ARHGEF4: variants seen among roughly 807,000 people sequenced by gnomAD.
The protein encoded by ARHGEF4 is Rho guanine nucleotide exchange factor 4, also known as APC-stimulated guanine nucleotide exchange factor 1.
A neutral mutation model predicts 162.0 loss-of-function variants in ARHGEF4; 119 were observed. The ratio of observed to expected loss-of-function variants is 0.73; its 90% CI spans 0.63 to 0.86. The LOEUF (loss-of-function observed/expected upper bound fraction) is 0.86. Ranked by LOEUF, ARHGEF4 falls within the 40% of genes least tolerant of loss-of-function variation. The pLI, the probability that ARHGEF4 is intolerant of heterozygous loss-of-function variation, is 0.00. For missense variants in ARHGEF4, 2,488 were observed against 2,456.0 expected (o/e 1.01, Z -0.28); for synonymous variants, 1,014 against 979.9 (o/e 1.03, Z -0.65).
chr2:131,043,526 C>T lies in ARHGEF4; in HGVS notation c.5100C>T (p.Ala1700=). The T allele has an allele frequency of 6.2e-7, 1 of 1,614,154 alleles. No homozygotes were observed. The highest frequency in any genetic ancestry group is 8.5e-7 in the Non-Finnish European group (1 of 1,180,024). The change falls in exon 11 of 14, where the codon GCC becomes GCT. Residue 1700 remains alanine, a synonymous_variant. Coordinates refer to ENST00000409359, the MANE Select transcript of ARHGEF4 (RefSeq NM_001367493.1). ...GELTRVTQPQ[A]KSQQRMFFLF... The stretch of plus-strand genomic sequence containing the variant: ...TGACTCGAGTTACACAGCCTCAAGC[C>T]AAAAGCCAGCAGCGAATGTTCTTTC...
At chr2:130,902,340 G>A (rs1574193375) in intron 1 of ARHGEF4, among the ~76,000 whole-genome samples, 1 of 151,138 alleles carries the variant, frequency 6.6e-6, no homozygotes, top group East Asian at 2.0e-4. Context: ...AAAGCCCAAA[G>A]CTGGGCACTT....
At chr2:130,908,080 A>G (rs1282399297) in intron 1 of ARHGEF4, among the ~76,000 whole-genome samples, 2 of 152,118 alleles carry the variant, frequency 1.3e-5, no homozygotes, top group Non-Finnish European at 2.9e-5. Context: ...CTTCCTATCC[A>G]TGAGCATGGA....
chr2:130,903,265 C>CT (rs202030783), intron 1 of ARHGEF4, among the ~76,000 whole-genome samples: 4,430 of 128,524 alleles, frequency 0.034, 235 homozygotes, highest in African/African-American at 0.12. Context: ...TTTCTTTTTT[C>CT]TTTTTTTTTT....
At chr2:131,042,216 G>A (rs1690871333) in intron 10 of ARHGEF4, among the ~76,000 whole-genome samples, 1 of 152,222 alleles carries the variant, frequency 6.6e-6, no homozygotes, top group South Asian at 2.1e-4. Flanking sequence ...GCCCTCAACA[G>A]AGGAAGTGTG....
intron 1 of ARHGEF4, among the ~76,000 whole-genome samples, chr2:130,911,453 C>T (rs1266290480): frequency 6.6e-6 from 1 of 152,168 alleles, no homozygotes; most frequent in Non-Finnish European, 1.5e-5. Context: ...AGGACATAAC[C>T]CTGGACTTAC....
intron 1 of ARHGEF4, among the ~76,000 whole-genome samples, chr2:130,901,538 G>C (rs76645545): frequency 7.8e-6 from 1 of 128,860 alleles, no homozygotes; most frequent in Non-Finnish European, 1.7e-5. Context: ...TTTTTTTTTT[G>C]AGACAGAGTT....
chr2:131,014,360 T>C (rs1376134478), intron 4 of ARHGEF4, among the ~76,000 whole-genome samples: 1 of 152,202 alleles, frequency 6.6e-6, no homozygotes, highest in African/African-American at 2.4e-5. Flanking sequence ...ACAGCCATGT[T>C]TTATGTAATT....
At chr2:130,925,259 A>G (rs1682171312) in intron 2 of ARHGEF4, among the ~76,000 whole-genome samples, 1 of 152,190 alleles carries the variant, frequency 6.6e-6, no homozygotes, top group African/African-American at 2.4e-5. Flanking sequence ...AAAGTAATCA[A>G]GACCATGTAG....
At chr2:130,840,498 T>C (rs1450340699) in intron 1 of ARHGEF4, among the ~76,000 whole-genome samples, 1 of 152,156 alleles carries the variant, frequency 6.6e-6, no homozygotes, top group Non-Finnish European at 1.5e-5. Context: ...AATGAGCCAC[T>C]ATTTTGGAGG....
Position 131,038,889 on chromosome 2 carries a change from C to T in ARHGEF4, c.4162C>T (p.Leu1388Phe). The change falls in exon 6 of 14, where the codon CTC (leucine) becomes TTC (phenylalanine). Residue 1388 changes from leucine to phenylalanine, a missense_variant. Physicochemically the swap from Leu to Phe is conservative, Grantham distance 22 (BLOSUM62 0). This residue lies in a region of ARHGEF4 where 5 missense variants were observed against 18.5 expected (regional missense o/e 0.27). Transcript: ENST00000409359. ...SDGSVVCAEA[L>F]WDHVTMDDQE... ...TGGCAGTGTGGTCTGCGCTGAAGCACTCTGGGACCATGTCACCATGGACGA... is the reference window on the plus strand; with the variant it reads ...TGGCAGTGTGGTCTGCGCTGAAGCATTCTGGGACCATGTCACCATGGACGA... 1 of 1,613,450 alleles carries T rather than the reference C, an allele frequency of 6.2e-7. No homozygotes were observed. The highest frequency in any genetic ancestry group is 8.5e-7 in the Non-Finnish European group (1 of 1,179,970).
At chr2:130,908,671 T>C (rs907823297) in intron 1 of ARHGEF4, among the ~76,000 whole-genome samples, 2 of 151,830 alleles carry the variant, frequency 1.3e-5, no homozygotes, top group African/African-American at 4.8e-5. Context: ...GCGAGCTCCA[T>C]CTAAAAAAAT....
intron 4 of ARHGEF4, among the ~76,000 whole-genome samples, chr2:130,949,143 T>C (rs1315823416): frequency 6.6e-6 from 1 of 152,178 alleles, no homozygotes; most frequent in Non-Finnish European, 1.5e-5. Flanking sequence ...TCACCTGTGT[T>C]CACTGCCTTC....
chr2:131,039,645 A>G (rs1040026591), intron 6 of ARHGEF4: 21 of 1,146,004 alleles, frequency 1.8e-5, no homozygotes, highest in African/African-American at 5.0e-5. Flanking sequence ...CCTTTCCCCA[A>G]GTTGCATGTT....
chr2:131,016,287 C>T (rs1266560173), intron 4 of ARHGEF4, among the ~76,000 whole-genome samples: 1 of 152,214 alleles, frequency 6.6e-6, no homozygotes, highest in African/African-American at 2.4e-5. Flanking sequence ...CTGCCAGACC[C>T]CCATCACCTT....
chr2:130,920,284 T>C (rs1242590155), intron 2 of ARHGEF4, among the ~76,000 whole-genome samples: 1 of 152,184 alleles, frequency 6.6e-6, no homozygotes, highest in Non-Finnish European at 1.5e-5. Flanking sequence ...AATTTTTTAA[T>C]TTTTTGTAGT....
At chr2:130,951,309 A>G (rs1238018312) in intron 4 of ARHGEF4, among the ~76,000 whole-genome samples, 1 of 152,230 alleles carries the variant, frequency 6.6e-6, no homozygotes, top group East Asian at 1.9e-4. Flanking sequence ...TGGCTTTGAC[A>G]TGCCTTCCTT....
At chr2:130,934,914 A>G (rs1394997071) in intron 3 of ARHGEF4, among the ~76,000 whole-genome samples, 1 of 152,116 alleles carries the variant, frequency 6.6e-6, no homozygotes, top group Non-Finnish European at 1.5e-5. Context: ...TATCTACATT[A>G]TCTAATCTGT....
chr2:131,038,691 GCCC>G (rs147561144), intron 5 of ARHGEF4, among the ~76,000 whole-genome samples, 159 bp from the exon 6 acceptor site: 1 of 152,330 alleles, frequency 6.6e-6, no homozygotes, highest in East Asian at 1.9e-4. Context: ...CATAGCCCCT[GCCC>G]CAGGAAAGCC....
chr2:131,021,816 C>G (rs1689155090), intron 4 of ARHGEF4, among the ~76,000 whole-genome samples: 1 of 152,126 alleles, frequency 6.6e-6, no homozygotes, highest in Non-Finnish European at 1.5e-5. Context: ...CATATGTGGC[C>G]TTTATCACAT....
Sources: allele counts gnomAD v4.1 joint callset (sites outside exome capture counted in the v4.1 genomes callset), GRCh38; gene constraint gnomAD v4.1.1; regional missense constraint gnomAD v4.1.1; transcripts MANE v1.5; gene names NCBI Gene and HGNC (gene_info 2026-07-23, HGNC 2026-07-21).